Variants in STK31 observed in about 807,000 individuals in gnomAD.
STK31 encodes serine/threonine kinase 31.
Under a neutral mutation model 129.7 loss-of-function variants are expected in STK31, and 89 were observed. That is an observed-to-expected ratio of 0.69 (90% CI 0.58 to 0.82). STK31 has a LOEUF of 0.82. Among genes scored for constraint, STK31 ranks in the 40% least tolerant of loss-of-function variants. The pLI is 0.00. For synonymous variants in STK31, 448 were observed against 395.3 expected (o/e 1.13, Z -1.58); for missense variants, 1,187 against 1,176.4 (o/e 1.01, Z -0.13).
intron 4 of STK31, among the ~76,000 whole-genome samples, chr7:23,720,803 T>C (rs1397952437): frequency 6.6e-6 from 1 of 152,158 alleles, no homozygotes; most frequent in Non-Finnish European, 1.5e-5. Flanking sequence ...TGTACAGTTT[T>C]GTACCCATAT....
At position 23,769,193 on chromosome 7, in the gene STK31, C is replaced by T. The variant is rs768647707; in HGVS notation, c.1596+19C>T. ...CTTAAAGGTAATAAAAGCTCCTGCC[C>T]GGTTGTGTTTGTAGCATAAACCAGG... is the stretch of plus-strand genomic sequence containing the variant. On this transcript the variant is annotated intron_variant, in intron 12 of 23. Transcript: ENST00000355870. 59 of 1,516,520 alleles carry T rather than the reference C, an allele frequency of 3.9e-5. No individual in the cohort carries two copies. The highest frequency in any genetic ancestry group is 1.8e-4 in the Middle Eastern group (1 of 5,656). 93.9% of individuals were successfully genotyped at this position (1,516,520 alleles called of 1,614,324 possible).
intron 8 of STK31, among the ~76,000 whole-genome samples, chr7:23,740,221 C>T (rs552871805): frequency 9.3e-4 from 141 of 152,168 alleles, no homozygotes; most frequent in African/African-American, 2.7e-3. Context: ...GGACTACAGG[C>T]GAGCCACCAT....
intron 18 of STK31, 91 bp downstream of exon 18, chr7:23,785,694 TA>T: frequency 6.7e-7 from 1 of 1,483,164 alleles, no homozygotes; most frequent in African/African-American, 1.4e-5. Context: ...ACCTCACTGT[TA>T]GTTTTCTAAA....
intron 15 of STK31, among the ~76,000 whole-genome samples, chr7:23,780,705 A>C (rs1481590188): frequency 1.3e-5 from 2 of 152,182 alleles, no homozygotes; most frequent in Admixed American, 6.5e-5. Context: ...TTTGTCCTGC[A>C]CCTGAGAAAA....
At chr7:23,714,917 G>A (rs1248708032) in intron 3 of STK31, among the ~76,000 whole-genome samples, 12 of 152,188 alleles carry the variant, frequency 7.9e-5, no homozygotes, top group Admixed American at 7.9e-4. Flanking sequence ...GTGTGTAGCT[G>A]TGATGCAGTA....
At chr7:23,783,231 G>A (rs1212824945) in intron 16 of STK31, among the ~76,000 whole-genome samples, 1 of 152,184 alleles carries the variant, frequency 6.6e-6, no homozygotes, top group East Asian at 1.9e-4. Context: ...GTCTGTAAGT[G>A]GTTGAAGTAT....
At chr7:23,829,709 G>A (rs1583353283) in intron 23 of STK31, among the ~76,000 whole-genome samples, 1 of 152,236 alleles carries the variant, frequency 6.6e-6, no homozygotes, top group Non-Finnish European at 1.5e-5. Context: ...GATAATTGAT[G>A]TTAGTTCTTT....
At chr7:23,750,067 T>TTCCC (rs1788611310) in intron 8 of STK31, among the ~76,000 whole-genome samples, 2 of 90,556 alleles carry the variant, frequency 2.2e-5, no homozygotes, top group Non-Finnish European at 2.3e-5. Flanking sequence ...ATGGTTTGTT[T>TTCCC]CCCCCCCCGC....
rs748522465 is a variant in STK31, at chr7:23,735,942, C to A, written c.842+46C>A. ...AATTTCTAATTGATGGTAGAGGTCC[C>A]TGTCATAGTAGAATAGAAGTTAAGG... On this transcript the variant is annotated intron_variant, in intron 7 of 23. Coordinates refer to ENST00000355870, the MANE Select transcript of STK31 (RefSeq NM_031414.5). 4.8e-6 allele frequency: 7 copies of A among 1,446,230 alleles called. No individual in the cohort carries two copies. The African/African-American group carries it at 7.1e-5, about 15-fold the overall frequency. The allele number at this position is 1,446,230 out of a possible 1,614,324, so 89.6% of individuals were successfully genotyped here.
intron 23 of STK31, among the ~76,000 whole-genome samples, chr7:23,816,839 A>T (rs1337065557): frequency 5.3e-5 from 8 of 152,198 alleles, no homozygotes; most frequent in African/African-American, 1.9e-4. Context: ...ATGTAAAGTT[A>T]TGAATAACAG....
In STK31 at chr7:23,762,711, T is replaced by C. The variant is rs573841804; in HGVS notation, c.1294-90T>C. ...GCTATAATGTTTGGAGAATATAAAG[T>C]TAATTTTGGAGATCACTTTTTTTCA... On this transcript the variant is annotated intron_variant, in intron 10 of 23. Transcript: ENST00000355870. 42 of 1,473,112 alleles carry C rather than the reference T, an allele frequency of 2.9e-5. No homozygotes were observed. The South Asian group carries it at 5.6e-4, about 20-fold the overall frequency. The allele number at this position is 1,473,112 out of a possible 1,614,324, so 91.3% of individuals were successfully genotyped here.
intron 22 of STK31, among the ~76,000 whole-genome samples, chr7:23,803,027 G>A (rs1459328464): frequency 6.6e-6 from 1 of 152,134 alleles, no homozygotes; most frequent in Non-Finnish European, 1.5e-5. Context: ...TTCTATACAT[G>A]TGTTGTTAGA....
chr7:23,830,327 A>G (rs895911606), intron 23 of STK31, among the ~76,000 whole-genome samples: 1 of 151,892 alleles, frequency 6.6e-6, no homozygotes, highest in Non-Finnish European at 1.5e-5. Flanking sequence ...TTTTCTACTA[A>G]TATGTATCAG....
intron 4 of STK31, among the ~76,000 whole-genome samples, chr7:23,724,081 TAAAC>T (rs1315160144): frequency 6.6e-6 from 1 of 152,158 alleles, no homozygotes; most frequent in Non-Finnish European, 1.5e-5. Context: ...TACAGAGAGA[TAAAC>T]AATTTAAAAG....
At chr7:23,734,775 A>G (rs187586596) in intron 6 of STK31, among the ~76,000 whole-genome samples, 9 of 152,158 alleles carry the variant, frequency 5.9e-5, no homozygotes, top group East Asian at 1.9e-4. Context: ...GACCAGCTCA[A>G]CTGACACGGT....
At chr7:23,806,902 A>G (rs971902164) in intron 22 of STK31, among the ~76,000 whole-genome samples, 40 of 75,100 alleles carry the variant, frequency 5.3e-4, no homozygotes, top group South Asian at 3.1e-3. Context: ...TCCGTCTCAG[A>G]AAAAAAAAAA....
chr7:23,757,148 A>T (rs1789138739), intron 10 of STK31, among the ~76,000 whole-genome samples: 1 of 152,068 alleles, frequency 6.6e-6, no homozygotes, highest in Non-Finnish European at 1.5e-5. Context: ...TAGGCTGTTA[A>T]TTACTACCTC....
At chr7:23,733,385 A>G (rs1787537967) in intron 6 of STK31, among the ~76,000 whole-genome samples, 1 of 145,464 alleles carries the variant, frequency 6.9e-6, no homozygotes, top group South Asian at 2.2e-4. Flanking sequence ...GACCCCATCT[A>G]AAAAATTCTT....
In STK31 at chr7:23,788,008, C is replaced by T. The variant is rs200207584; in HGVS notation, c.2516C>T (p.Ala839Val). The change falls in exon 21 of 24, where the codon GCC becomes GTC. Residue 839 changes from alanine to valine, a missense_variant. This residue lies in a region of STK31 where 975 missense variants were observed against 934.9 expected (regional missense o/e 1.04). Transcript: ENST00000355870. ...EETLKVMKGV[A>V]QGLHTLHKAD... is the part of the protein sequence containing the mutation. The stretch of plus-strand genomic sequence containing the variant: ...ACTTTAAAGGTCATGAAAGGTGTTG[C>T]CCAGGGTCTGCATACATTGCATAAG... The T allele has an allele frequency of 2.5e-6, 4 of 1,587,740 alleles. No individual in the cohort carries two copies. In the Admixed American group the frequency reaches 5.3e-5, roughly 21 times the overall value.
Sources: allele counts gnomAD v4.1 joint callset (sites outside exome capture counted in the v4.1 genomes callset), GRCh38; gene constraint gnomAD v4.1.1; regional missense constraint gnomAD v4.1.1; transcripts MANE v1.5; gene names NCBI Gene and HGNC (gene_info 2026-07-23, HGNC 2026-07-21).